The following MAP2K4 variants were observed in gnomAD, a reference collection of about 807,000 sequenced individuals.
The protein encoded by MAP2K4 is mitogen-activated protein kinase kinase 4.
In MAP2K4, 4 loss-of-function variants were observed where a neutral mutation model predicts 48.5. The ratio of observed to expected loss-of-function variants is 0.08; its 90% confidence interval spans 0.04 to 0.19. The LOEUF (loss-of-function observed/expected upper bound fraction) is 0.19, where lower values mean the gene tolerates loss of function less well. MAP2K4 is among the 10% of genes least tolerant of loss of function. MAP2K4 has a pLI of 1.00. For synonymous variants in MAP2K4, 166 were observed against 173.1 expected, an observed-to-expected ratio of 0.96 and a Z score of 0.32; for missense variants, 258 against 493.3, an observed-to-expected ratio of 0.52 and a Z score of 4.52.
At chr17:12,104,945 A>G (rs1452566045) in intron 4 of MAP2K4, among the ~76,000 whole-genome samples, 1 of 152,194 alleles carries the variant, frequency 6.6e-6, no homozygotes, top group Non-Finnish European at 1.5e-5. Flanking sequence ...ATGTTTTTCT[A>G]TATGGAAGGC....
chr17:12,031,316 A>G (rs1388197800), intron 1 of MAP2K4, among the ~76,000 whole-genome samples: 1 of 152,230 alleles, frequency 6.6e-6, no homozygotes, highest in Non-Finnish European at 1.5e-5. Context: ...TGATAACTGG[A>G]TAGGAAAGAC....
intron 1 of MAP2K4, among the ~76,000 whole-genome samples, chr17:12,042,925 TAGTCCCAGCTACTCGGG>T (rs1255717140): frequency 1.3e-5 from 2 of 151,768 alleles, no homozygotes; most frequent in African/African-American, 2.4e-5. Flanking sequence ...CGGGGGCCTG[TAGTCCCAGCTACTCGGG>T]AGGCTGAGGC....
At chr17:12,037,197 A>G (rs1412073442) in intron 1 of MAP2K4, among the ~76,000 whole-genome samples, 7 of 152,134 alleles carry the variant, frequency 4.6e-5, no homozygotes, top group Non-Finnish European at 8.8e-5. Flanking sequence ...GAGGAAAAAA[A>G]GGAGGCATCC....
chr17:12,020,984 C>T lies in MAP2K4; in HGVS notation c.98C>T (p.Ala33Val), dbSNP rs561204979. Residue 33 changes from alanine to valine, a missense_variant, in exon 1 of 11, where the codon GCC becomes GTC. Transcript: ENST00000353533. ...PVGSPAPGHPAVSSMQGKRKA... is the reference protein window; with the variant it reads ...PVGSPAPGHPVVSSMQGKRKA... ...GGGTCCCCGGCGCCAGGCCACCCGG[C>T]CGTCAGCAGCATGCAGGGTAAGGAA... The T allele has an allele frequency of 8.3e-6, 10 of 1,211,816 alleles. No homozygotes were observed. The South Asian group carries it at 4.1e-4, about 50-fold the overall frequency. 75.1% of individuals were successfully genotyped at this position (1,211,816 alleles called of 1,614,324 possible).
chr17:12,027,078 T>C (rs1213764114), intron 1 of MAP2K4: 2 of 152,240 alleles, frequency 1.3e-5, no homozygotes, highest in African/African-American at 4.8e-5. Context: ...TTACTATTTT[T>C]GCTAGTGGAT....
intron 1 of MAP2K4, among the ~76,000 whole-genome samples, chr17:12,041,769 G>A (rs924075240): frequency 1.3e-5 from 2 of 152,160 alleles, no homozygotes. Flanking sequence ...TTTGAGCTTC[G>A]ATTCCTTATT....
intron 3 of MAP2K4, chr17:12,082,057 G>T (rs962717918): frequency 7.2e-6 from 3 of 414,716 alleles, no homozygotes; most frequent in African/African-American, 4.0e-5. Context: ...CTGTTCCCTG[G>T]TTTTAAAGTT....
chr17:12,096,753 T>C (rs1336096599), intron 4 of MAP2K4, among the ~76,000 whole-genome samples: 2 of 152,160 alleles, frequency 1.3e-5, no homozygotes, highest in Non-Finnish European at 2.9e-5. Flanking sequence ...TATGCAATCT[T>C]ATAATTGGAA....
intron 5 of MAP2K4, among the ~76,000 whole-genome samples, chr17:12,109,836 A>G (rs934688246): frequency 2.0e-5 from 3 of 152,044 alleles, no homozygotes; most frequent in Admixed American, 2.0e-4. Context: ...TTATTTTTGA[A>G]CATTTTAGAG....
intron 3 of MAP2K4, among the ~76,000 whole-genome samples, chr17:12,094,103 T>C (rs1294614549): frequency 6.6e-6 from 1 of 152,214 alleles, no homozygotes; most frequent in Non-Finnish European, 1.5e-5. Flanking sequence ...ACTAGTCTTA[T>C]TTTGTTTCCA....
chr17:12,026,051 C>T (rs1367704502), intron 1 of MAP2K4, among the ~76,000 whole-genome samples: 4 of 152,124 alleles, frequency 2.6e-5, no homozygotes, highest in Admixed American at 1.3e-4. Context: ...ATTAGTCCCC[C>T]CTCAAAGCTC....
rs573697581 is a variant in MAP2K4 at position 12,079,267 on chromosome 17, T to C, written c.219-2089T>C. 3.3e-5 allele frequency among the ~76,000 whole-genome samples: 5 copies of C among 152,344 alleles called. No homozygotes were observed. The South Asian group carries it at 1.0e-3, about 32-fold the overall frequency. On this transcript the variant is annotated intron_variant, in intron 2 of 10. Transcript: ENST00000353533. ...GTTTTAAAAAGAAACTACAGTGAGC[T>C]AAACTATTAGTAGAGATATTCCATA...
intron 1 of MAP2K4, among the ~76,000 whole-genome samples, chr17:12,045,888 CT>C (rs1170421202): frequency 6.6e-6 from 1 of 152,176 alleles, no homozygotes; most frequent in Non-Finnish European, 1.5e-5. Context: ...CACAAATGCC[CT>C]TTGGATTTGC....
At chr17:12,025,947 A>C (rs1451230110) in intron 1 of MAP2K4, among the ~76,000 whole-genome samples, 1 of 151,156 alleles carries the variant, frequency 6.6e-6, no homozygotes, top group Non-Finnish European at 1.5e-5. Context: ...GACAGTGAAG[A>C]GTTTCAAACC....
chr17:12,027,497 A>T (rs375083657), intron 1 of MAP2K4, among the ~76,000 whole-genome samples: 25 of 152,144 alleles, frequency 1.6e-4, no homozygotes, highest in African/African-American at 6.0e-4. Flanking sequence ...ACACACACAC[A>T]CAGACACCAA....
At chr17:12,114,071 T>C (rs954883566) in intron 7 of MAP2K4, among the ~76,000 whole-genome samples, 1 of 152,238 alleles carries the variant, frequency 6.6e-6, no homozygotes, top group African/African-American at 2.4e-5. Context: ...CATAAGGTTT[T>C]GTGGTTGTTT....
At chr17:12,065,413 C>G (rs113686985) in intron 2 of MAP2K4, among the ~76,000 whole-genome samples, 6 of 151,664 alleles carry the variant, frequency 4.0e-5, no homozygotes, top group African/African-American at 1.5e-4. Context: ...ATTCTCCTGC[C>G]TCAGCCTCCC....
At chr17:12,024,592 G>A (rs1969198444) in intron 1 of MAP2K4, among the ~76,000 whole-genome samples, 2 of 152,120 alleles carry the variant, frequency 1.3e-5, no homozygotes, top group Admixed American at 6.6e-5. Flanking sequence ...TTTTATGAAA[G>A]TATATTTGGC....
At chr17:12,064,547 G>A (rs1970554223) in intron 2 of MAP2K4, among the ~76,000 whole-genome samples, 1 of 152,202 alleles carries the variant, frequency 6.6e-6, no homozygotes, top group Non-Finnish European at 1.5e-5. Context: ...CACCCGAAGG[G>A]CTAGAATTTA....
Sources: allele counts gnomAD v4.1 joint callset (sites outside exome capture counted in the v4.1 genomes callset), GRCh38; gene constraint gnomAD v4.1.1; transcripts MANE v1.5; gene names NCBI Gene and HGNC (gene_info 2026-07-23, HGNC 2026-07-21).